Variants in DSE observed in about 807,000 individuals in gnomAD.
DSE encodes the protein dermatan sulfate epimerase, also known as dermatan-sulfate epimerase.
Under a neutral mutation model 84.4 loss-of-function variants are expected in DSE, and 36 were observed. The ratio of observed to expected loss-of-function variants is 0.43; its 90% CI spans 0.33 to 0.56. The LOEUF (loss-of-function observed/expected upper bound fraction) is 0.56. DSE is among the 20% of genes least tolerant of loss of function. DSE has a pLI of 0.06. For missense variants in DSE, 862 were observed against 1,169.6 expected, an observed-to-expected ratio of 0.74 and a Z score of 3.84; for synonymous variants, 410 against 430.1, an observed-to-expected ratio of 0.95 and a Z score of 0.58.
At chr6:116,354,271 G>A (rs1215752039) in intron 2 of DSE, among the ~76,000 whole-genome samples, 1 of 152,114 alleles carries the variant, frequency 6.6e-6, no homozygotes, top group African/African-American at 2.4e-5. Flanking sequence ...AATATTTATT[G>A]AAAGCCTGTT....
At chr6:116,341,863 G>A (rs1451280265) in intron 2 of DSE, among the ~76,000 whole-genome samples, 2 of 152,074 alleles carry the variant, frequency 1.3e-5, no homozygotes, top group African/African-American at 4.8e-5. Context: ...ATCTGTTTTG[G>A]TACCAGTACC....
intron 2 of DSE, among the ~76,000 whole-genome samples, chr6:116,411,568 A>C (rs553498153): frequency 6.6e-6 from 1 of 152,246 alleles, no homozygotes; most frequent in African/African-American, 2.4e-5. Flanking sequence ...TTTTTAGTTC[A>C]TATCTGTGAT....
intron 2 of DSE, among the ~76,000 whole-genome samples, chr6:116,269,372 C>G (rs796933756): frequency 5.9e-5 from 9 of 152,164 alleles, no homozygotes; most frequent in African/African-American, 1.9e-4. Context: ...TATTTTTATG[C>G]TAAGAATTAC....
Position 116,406,384 on chromosome 6 carries a change from C to G in DSE, c.416+6718C>G, listed in dbSNP as rs1435404844. Among the ~76,000 whole-genome samples the G allele has an allele frequency of 2.6e-5, 4 of 152,348 alleles. No homozygotes were observed. In the East Asian group the frequency reaches 7.7e-4, roughly 29 times the overall value. ...CAATCTGGGTCTTAAATTTTTCTAACATAAAAATCTGGCAAGCATGATGTT... is the reference window on the plus strand; with the variant it reads ...CAATCTGGGTCTTAAATTTTTCTAAGATAAAAATCTGGCAAGCATGATGTT... On this transcript the variant is annotated intron_variant, in intron 2 of 5. Coordinates refer to ENST00000644252, the MANE Select transcript of DSE (RefSeq NM_013352.4).
intron 2 of DSE, among the ~76,000 whole-genome samples, chr6:116,341,591 G>A (rs1777597202): frequency 6.6e-6 from 1 of 152,194 alleles, no homozygotes; most frequent in Admixed American, 6.5e-5. Flanking sequence ...GAATGGTATT[G>A]CCTAGGTTTT....
intron 2 of DSE, chr6:116,399,887 G>A: frequency 1.9e-6 from 1 of 531,786 alleles, no homozygotes; most frequent in Non-Finnish European, 3.3e-6. Flanking sequence ...TTTAGATGCA[G>A]CCTAATCTAA....
At chr6:116,388,472 T>C (rs372672613) in intron 1 of DSE, among the ~76,000 whole-genome samples, 2 of 152,160 alleles carry the variant, frequency 1.3e-5, no homozygotes, top group African/African-American at 4.8e-5. Flanking sequence ...TTCTGTCAAG[T>C]TGACACAAAA....
Position 116,436,400 on chromosome 6 carries a change from A to G in DSE, c.1932A>G (p.Thr644=). ...TYPRGYPYNG[T]NYVNVTMHLR... ...CTCGGGGCTATCCCTACAATGGGAC[A>G]AACTATGTGAATGTCACCATGCACC... Residue 644 remains threonine (T), a synonymous_variant, in exon 6 of 6, where the codon ACA becomes ACG. Coordinates refer to ENST00000644252, the MANE Select transcript of DSE (RefSeq NM_013352.4). The G allele has an allele frequency of 6.2e-7, 1 of 1,614,164 alleles. No homozygotes were observed. Among genetic ancestry groups the G allele is most frequent in the Non-Finnish European group, 8.5e-7 (1 of 1,180,006 alleles).
chr6:116,416,554 G>A (rs947522161), intron 2 of DSE, among the ~76,000 whole-genome samples: 1 of 151,924 alleles, frequency 6.6e-6, no homozygotes, highest in Non-Finnish European at 1.5e-5. Context: ...TTTTGATGTT[G>A]TGTGTTATAA....
At chr6:116,346,736 T>A (rs1778000328) in intron 2 of DSE, among the ~76,000 whole-genome samples, 2 of 152,104 alleles carry the variant, frequency 1.3e-5, no homozygotes, top group African/African-American at 4.8e-5. Flanking sequence ...CTCTTACCAC[T>A]CCTATTCAAA....
chr6:116,408,041 GACTGTATGATCC>G (rs953403135), intron 2 of DSE, among the ~76,000 whole-genome samples: 8 of 152,158 alleles, frequency 5.3e-5, no homozygotes, highest in Non-Finnish European at 8.8e-5. Context: ...ACCCTATCCA[GACTGTATGATCC>G]ACCTTAACTT....
upstream of DSE, chr6:116,369,962 T>C (rs778804872): frequency 3.1e-6 from 4 of 1,288,830 alleles, no homozygotes; most frequent in South Asian, 4.9e-5. Context: ...TTCTGTACAA[T>C]CTAGGTCTGG....
chr6:116,390,082 TTATTA>T (rs1335791682), intron 1 of DSE, among the ~76,000 whole-genome samples: 3 of 151,754 alleles, frequency 2.0e-5, no homozygotes, highest in African/African-American at 2.4e-5. Flanking sequence ...TTATTTTATT[TTATTA>T]TTTTTTTTTT....
chr6:116,375,968 T>C (rs1779899713), intron 1 of DSE, among the ~76,000 whole-genome samples: 2 of 152,216 alleles, frequency 1.3e-5, no homozygotes, highest in African/African-American at 4.8e-5. Context: ...ATACCTTAAA[T>C]AGAAGATTAA....
intron 2 of DSE, among the ~76,000 whole-genome samples, chr6:116,425,180 T>C (rs929075459): frequency 6.6e-6 from 1 of 152,220 alleles, no homozygotes; most frequent in Non-Finnish European, 1.5e-5. Flanking sequence ...AAGCCTGTAT[T>C]ATTATTTTTT....
At chr6:116,291,187 C>A (rs1289720238) in intron 2 of DSE, among the ~76,000 whole-genome samples, 2 of 151,944 alleles carry the variant, frequency 1.3e-5, no homozygotes, top group Non-Finnish European at 2.9e-5. Context: ...ATTATAATAC[C>A]AGATGAAACA....
At chr6:116,383,976 A>C (rs1376429421) in intron 1 of DSE, among the ~76,000 whole-genome samples, 1 of 151,634 alleles carries the variant, frequency 6.6e-6, no homozygotes, top group Non-Finnish European at 1.5e-5. Context: ...ATGTAGAAGA[A>C]ATAATAATTA....
intron 2 of DSE, among the ~76,000 whole-genome samples, chr6:116,337,322 T>C (rs1777313579): frequency 6.6e-6 from 1 of 152,102 alleles, no homozygotes; most frequent in African/African-American, 2.4e-5. Flanking sequence ...TCATTTAAAA[T>C]TAGAAATAGC....
Position 116,440,726 on chromosome 6 carries a change from G to A in DSE, c.*3381G>A, listed in dbSNP as rs776856639. On this transcript the variant is annotated 3_prime_UTR_variant, in exon 6 of 6. Transcript: ENST00000644252. Reference sequence around the variant, plus strand: ...TATTCCAGGACAACAGATATAAATCGAGATTATACTAGGTGAACTGGGACA... The same window carrying A: ...TATTCCAGGACAACAGATATAAATCAAGATTATACTAGGTGAACTGGGACA... 2 of 152,284 alleles carry A rather than the reference G, an allele frequency of 1.3e-5. No individual in the cohort carries two copies. The highest frequency in any genetic ancestry group is 2.9e-5 in the Non-Finnish European group (2 of 68,028). The allele number at this position is 152,284 out of a possible 1,614,324, so 9.4% of individuals were successfully genotyped here. A position where few individuals can be genotyped will look rare whatever the true frequency, so the allele number is the denominator to read the frequency against.
Sources: allele counts gnomAD v4.1 joint callset (sites outside exome capture counted in the v4.1 genomes callset), GRCh38; gene constraint gnomAD v4.1.1; transcripts MANE v1.5; gene names NCBI Gene and HGNC (gene_info 2026-07-23, HGNC 2026-07-21).